DOCK1: variants seen among roughly 807,000 people sequenced by gnomAD.
DOCK1 encodes the protein dedicator of cytokinesis 1.
In DOCK1, 138 loss-of-function variants were observed where a neutral mutation model predicts 262.7. That is an observed-to-expected ratio of 0.53 (90% CI 0.46 to 0.61). The LOEUF (loss-of-function observed/expected upper bound fraction) is 0.61, where lower values mean the gene tolerates loss of function less well. Among genes scored for constraint, DOCK1 ranks in the 20% least tolerant of loss-of-function variants. The pLI, the probability that DOCK1 is intolerant of heterozygous loss-of-function variation, is 0.00. For synonymous variants in DOCK1, 866 were observed against 867.4 expected (o/e 1.00, Z 0.03); for missense variants, 1,908 against 2,370.7 (o/e 0.80, Z 4.05).
intron 12 of DOCK1, among the ~76,000 whole-genome samples, chr10:127,017,392 G>T (rs2042064079): frequency 6.6e-6 from 1 of 151,668 alleles, no homozygotes; most frequent in African/African-American, 2.4e-5. Context: ...CATACATACA[G>T]ATACAGACAC....
chr10:127,418,344 G>T, intron 44 of DOCK1, 21 bp from the exon 45 acceptor site: 1 of 1,588,384 alleles, frequency 6.3e-7, no homozygotes, highest in Non-Finnish European at 8.6e-7. Flanking sequence ...GCTGACATCG[G>T]GCTCTCCTCT....
At chr10:126,976,663 C>T (rs1296496053) in intron 2 of DOCK1, among the ~76,000 whole-genome samples, 2 of 152,034 alleles carry the variant, frequency 1.3e-5, no homozygotes, top group Admixed American at 1.3e-4. Flanking sequence ...ACCCAGCTCA[C>T]GTTTTCCAAG....
intron 47 of DOCK1, among the ~76,000 whole-genome samples, chr10:127,427,733 C>T (rs1261950416): frequency 6.6e-6 from 1 of 152,246 alleles, no homozygotes; most frequent in African/African-American, 2.4e-5. Context: ...GAGACCTGGG[C>T]AACCCCTGAG....
At chr10:127,324,229 C>T (rs2062661573) in intron 29 of DOCK1, among the ~76,000 whole-genome samples, 1 of 152,196 alleles carries the variant, frequency 6.6e-6, no homozygotes, top group African/African-American at 2.4e-5. Context: ...CAAAGATCAC[C>T]CGTCTCAAAT....
intron 51 of DOCK1, 113 bp downstream of exon 51, chr10:127,447,658 A>G (rs72843745): frequency 0.071 from 103,986 of 1,458,602 alleles, 4,161 homozygotes; most frequent in Non-Finnish European, 0.08. Context: ...CACATGAGGA[A>G]AACCATGTAT....
intron 29 of DOCK1, among the ~76,000 whole-genome samples, chr10:127,320,133 GTAGCCGTCTAAGAGCAGAAGCT>G (rs111732104): frequency 0.18 from 27,193 of 152,032 alleles, 2,620 homozygotes; most frequent in African/African-American, 0.26. Flanking sequence ...CTCAGTCCCA[GTAGCCGTCTAAGAGCAGAAGCT>G]TCTGGGGCCT....
At chr10:127,325,027 G>A (rs958382481) in intron 29 of DOCK1, among the ~76,000 whole-genome samples, 12 of 152,058 alleles carry the variant, frequency 7.9e-5, no homozygotes, top group African/African-American at 2.7e-4. Flanking sequence ...TCCAATCCAC[G>A]CACAGCCCGG....
intron 29 of DOCK1, among the ~76,000 whole-genome samples, chr10:127,308,453 A>T (rs1346682753): frequency 6.6e-6 from 1 of 152,178 alleles, no homozygotes; most frequent in African/African-American, 2.4e-5. Context: ...GTTCCTGGAT[A>T]CAAGTTCAGA....
intron 1 of DOCK1, among the ~76,000 whole-genome samples, chr10:126,920,332 T>C (rs2033054864): frequency 6.6e-6 from 1 of 152,228 alleles, no homozygotes; most frequent in South Asian, 2.1e-4. Flanking sequence ...AGTCCCCTTG[T>C]TGATACGTTT....
intron 23 of DOCK1, 49 bp downstream of exon 23, chr10:127,061,825 C>G (rs1196361787): frequency 2.1e-6 from 3 of 1,438,056 alleles, no homozygotes; most frequent in Admixed American, 2.2e-5. Context: ...TTTTTTCTTT[C>G]ATTATCTCTT....
At chr10:127,394,641 T>A (rs2066709969) in intron 38 of DOCK1, among the ~76,000 whole-genome samples, 1 of 152,150 alleles carries the variant, frequency 6.6e-6, no homozygotes, top group African/African-American at 2.4e-5. Flanking sequence ...TTCAAAGAGA[T>A]CATATGTTCA....
chr10:126,997,642 T>G (rs186838619), intron 7 of DOCK1, among the ~76,000 whole-genome samples: 1 of 151,694 alleles, frequency 6.6e-6, no homozygotes, highest in African/African-American at 2.4e-5. Flanking sequence ...TATATATATA[T>G]ACACACACAC....
chr10:127,331,121 G>C (rs1327205717), intron 29 of DOCK1, among the ~76,000 whole-genome samples: 2 of 152,162 alleles, frequency 1.3e-5, no homozygotes, highest in Non-Finnish European at 2.9e-5. Flanking sequence ...ATAGGAATGA[G>C]TTGTCTGCTT....
intron 46 of DOCK1, among the ~76,000 whole-genome samples, chr10:127,421,044 G>A (rs2068478423): frequency 6.6e-6 from 1 of 151,936 alleles, no homozygotes; most frequent in Non-Finnish European, 1.5e-5. Context: ...AGCCTTCCAA[G>A]TAGCTGGGAC....
chr10:127,211,425 G>A (rs769682012), intron 27 of DOCK1, among the ~76,000 whole-genome samples: 12 of 152,164 alleles, frequency 7.9e-5, no homozygotes, highest in East Asian at 7.7e-4. Context: ...CAAAGCTGCC[G>A]TTTGTGTCTC....
At position 126,910,158 on chromosome 10, in the gene DOCK1, C is replaced by A. The variant is rs147834570; in HGVS notation, c.46+4595C>A. ...GATCATAAGTAAATAGAAATGCAGG[C>A]ATTTTCATTCACTGGAATTGCAGCA... On this transcript the variant is annotated intron_variant, in intron 1 of 51. Transcript: ENST00000623213. Among the ~76,000 whole-genome samples, 475 of 152,324 alleles carry A rather than the reference C, an allele frequency of 3.1e-3. 2 individuals carry two copies. Among genetic ancestry groups the A allele is most frequent in the African/African-American group, 0.011 (456 of 41,572 alleles).
intron 27 of DOCK1, among the ~76,000 whole-genome samples, chr10:127,158,413 G>A (rs1263510122): frequency 1.4e-4 from 21 of 152,138 alleles, no homozygotes; most frequent in Admixed American, 1.2e-3. Flanking sequence ...AAGAACATTT[G>A]GATCACAAAT....
chr10:127,367,231 G>C (rs1161989464), intron 33 of DOCK1, among the ~76,000 whole-genome samples: 2 of 152,198 alleles, frequency 1.3e-5, no homozygotes, highest in Non-Finnish European at 2.9e-5. Flanking sequence ...GCAGTGGCGG[G>C]CATTTCATTA....
At chr10:127,141,435 G>A (rs568703714) in intron 27 of DOCK1, among the ~76,000 whole-genome samples, 5 of 152,296 alleles carry the variant, frequency 3.3e-5, no homozygotes, top group South Asian at 2.1e-4. Context: ...AGGCACGGTG[G>A]CTCATGCCTG....
Sources: allele counts gnomAD v4.1 joint callset (sites outside exome capture counted in the v4.1 genomes callset), GRCh38; gene constraint gnomAD v4.1.1; transcripts MANE v1.5; gene names NCBI Gene and HGNC (gene_info 2026-07-23, HGNC 2026-07-21).